The following DIP2C variants were observed in gnomAD, a reference collection of about 807,000 sequenced individuals.
DIP2C encodes the protein disco-interacting protein 2 homolog C.
DIP2C carries 33 observed loss-of-function variants against 192.4 expected under a neutral mutation model. The ratio of observed to expected loss-of-function variants is 0.17; its 90% CI spans 0.13 to 0.23. DIP2C has a LOEUF of 0.23. DIP2C is among the 10% of genes least tolerant of loss of function. The pLI, the probability that DIP2C is intolerant of heterozygous loss-of-function variation, is 1.00. For missense variants in DIP2C, 1,537 were observed against 2,110.1 expected (o/e 0.73, Z 5.32); for synonymous variants, 979 against 864.1 (o/e 1.13, Z -2.33).
intron 1 of DIP2C, among the ~76,000 whole-genome samples, chr10:534,579 A>G (rs2130874650): frequency 6.6e-6 from 1 of 152,274 alleles, no homozygotes; most frequent in East Asian, 1.9e-4. Context: ...CCAACACAGG[A>G]AACTGAACCC....
chr10:342,602 C>A (rs1486030043), intron 28 of DIP2C, among the ~76,000 whole-genome samples: 1 of 152,186 alleles, frequency 6.6e-6, no homozygotes, highest in African/African-American at 2.4e-5. Context: ...GCCAGCAAGA[C>A]CTGCTGGGTG....
intron 17 of DIP2C, among the ~76,000 whole-genome samples, chr10:372,876 T>A (rs765081812): frequency 6.6e-6 from 1 of 152,146 alleles, no homozygotes; most frequent in Non-Finnish European, 1.5e-5. Context: ...GACGTGGTGT[T>A]TGGGGCCACC....
At chr10:340,429 C>T (rs554139748) in intron 29 of DIP2C, among the ~76,000 whole-genome samples, 22 of 152,020 alleles carry the variant, frequency 1.4e-4, no homozygotes, top group East Asian at 3.9e-4. Flanking sequence ...ATGATGGTCA[C>T]GGGTGTTTAT....
chr10:393,797 GA>G (rs1161399125), intron 10 of DIP2C, among the ~76,000 whole-genome samples: 1 of 78,798 alleles, frequency 1.3e-5, no homozygotes, highest in Non-Finnish European at 2.7e-5. Flanking sequence ...AAAAAAAAAA[GA>G]AAAAAAAAGA....
intron 1 of DIP2C, among the ~76,000 whole-genome samples, chr10:634,932 A>G (rs530991623): frequency 1.3e-5 from 2 of 152,040 alleles, no homozygotes; most frequent in Non-Finnish European, 1.5e-5. Flanking sequence ...TTGGCCCCCA[A>G]TTTTTCAGAA....
At chr10:480,652 G>A (rs1019691313) in intron 2 of DIP2C, among the ~76,000 whole-genome samples, 4 of 152,002 alleles carry the variant, frequency 2.6e-5, no homozygotes, top group Admixed American at 1.3e-4. Flanking sequence ...ACCGCATGGC[G>A]TAGGCTCAGC....
chr10:529,433 T>A (rs1847245500), intron 1 of DIP2C, among the ~76,000 whole-genome samples: 1 of 152,058 alleles, frequency 6.6e-6, no homozygotes, highest in African/African-American at 2.4e-5. Context: ...CACGTTGCCA[T>A]GCTCCTGTCA....
chr10:684,734 C>T (rs922014449), intron 1 of DIP2C, among the ~76,000 whole-genome samples: 2 of 152,178 alleles, frequency 1.3e-5, no homozygotes, highest in Non-Finnish European at 2.9e-5. Flanking sequence ...AACCTACAAA[C>T]CTCCCACTGG....
At chr10:624,571 C>A (rs1177463690) in intron 1 of DIP2C, among the ~76,000 whole-genome samples, 1 of 152,216 alleles carries the variant, frequency 6.6e-6, no homozygotes, top group Non-Finnish European at 1.5e-5. Context: ...CTCCCACCAG[C>A]CCACGGGGGC....
At chr10:619,522 G>C (rs746305718) in intron 1 of DIP2C, among the ~76,000 whole-genome samples, 1 of 86,944 alleles carries the variant, frequency 1.2e-5, no homozygotes, top group African/African-American at 8.9e-5. Flanking sequence ...GCCAGGGCCA[G>C]GACCAAGCCC....
In DIP2C at chr10:486,484, A is replaced by C. The variant is rs1225066562; in HGVS notation, c.132T>G (p.Ile44Met). 3 of 1,605,234 alleles carry C rather than the reference A, an allele frequency of 1.9e-6. No individual in the cohort carries two copies. The highest frequency in any genetic ancestry group is 2.6e-6 in the Non-Finnish European group (3 of 1,176,130). Reference protein sequence around the residue: ...KGYEKKRSKLIGAYLPQPPRV... With the variant: ...KGYEKKRSKLMGAYLPQPPRV... ...TCGGAGGCTGCGGAAGGTAGGCTCC[A>C]ATTAACTTTGACCTCTTCTTTTCAT... Residue 44 changes from isoleucine to methionine, a missense_variant, in exon 2 of 37, where the codon ATT (isoleucine) becomes ATG (methionine). By Grantham distance (10) the Ile-to-Met change is conservative. This residue lies in a region of DIP2C where 473 missense variants were observed against 539.6 expected (regional missense o/e 0.88). Coordinates refer to ENST00000280886, the MANE Select transcript of DIP2C (RefSeq NM_014974.3).
intron 1 of DIP2C, among the ~76,000 whole-genome samples, chr10:521,432 T>C (rs896413486): frequency 2.6e-5 from 4 of 152,166 alleles, no homozygotes; most frequent in African/African-American, 9.7e-5. Flanking sequence ...CACATGCTCA[T>C]CCCTGCCTGC....
At chr10:498,380 G>C (rs574089854) in intron 1 of DIP2C, among the ~76,000 whole-genome samples, 3 of 152,146 alleles carry the variant, frequency 2.0e-5, no homozygotes, top group Non-Finnish European at 2.9e-5. Flanking sequence ...AGAGCCCCTT[G>C]AATCTCCACA....
intron 1 of DIP2C, among the ~76,000 whole-genome samples, chr10:567,202 T>TG (rs1247422011): frequency 6.6e-6 from 1 of 152,028 alleles, no homozygotes; most frequent in Non-Finnish European, 1.5e-5. Flanking sequence ...TGTTTTGTTT[T>TG]TTTTAAGACA....
chr10:634,158 G>A (rs538883985), intron 1 of DIP2C, among the ~76,000 whole-genome samples: 1 of 152,290 alleles, frequency 6.6e-6, no homozygotes, highest in African/African-American at 2.4e-5. Flanking sequence ...CAGGAGTGGC[G>A]TTTTATTCAG....
intron 2 of DIP2C, among the ~76,000 whole-genome samples, chr10:477,783 A>G (rs1352097781): frequency 1.4e-5 from 2 of 140,032 alleles, no homozygotes; most frequent in Non-Finnish European, 3.1e-5. Flanking sequence ...AAAGAAGGAG[A>G]GAGAAAGAAG....
At chr10:584,251 TTG>T (rs1850847844) in intron 1 of DIP2C, among the ~76,000 whole-genome samples, 1 of 152,144 alleles carries the variant, frequency 6.6e-6, no homozygotes, top group Non-Finnish European at 1.5e-5. Context: ...AACAGGAAAA[TTG>T]TGATACTCTT....
intron 1 of DIP2C, among the ~76,000 whole-genome samples, chr10:626,838 GT>G (rs1365768228): frequency 1.1e-4 from 16 of 152,286 alleles, no homozygotes; most frequent in Admixed American, 1.0e-3. Context: ...TGTCCAAAAT[GT>G]TTTTTTCACT....
At chr10:343,370 T>C (rs760893013) in intron 28 of DIP2C, among the ~76,000 whole-genome samples, 5 of 152,204 alleles carry the variant, frequency 3.3e-5, no homozygotes, top group Non-Finnish European at 5.9e-5. Context: ...CAGAGCCTTG[T>C]AATAACTGGG....
Sources: gnomAD v4.1 joint callset for allele counts (sites outside exome capture counted in the v4.1 genomes callset) on GRCh38, gnomAD v4.1.1 for gene constraint, gnomAD v4.1.1 regional missense constraint, MANE v1.5 for transcripts, NCBI Gene and HGNC (gene_info 2026-07-23, HGNC 2026-07-21) for gene names.